OSBPL10: variants seen among roughly 807,000 people sequenced by gnomAD.
The protein encoded by OSBPL10 is oxysterol binding protein like 10, also known as oxysterol-binding protein-related protein 10.
OSBPL10 carries 49 observed loss-of-function variants against 81.7 expected under a neutral mutation model. That is an observed-to-expected ratio of 0.60 (90% CI 0.48 to 0.76). OSBPL10 has a LOEUF of 0.76. OSBPL10 is among the 30% of genes least tolerant of loss of function. OSBPL10 has a pLI of 0.00. For synonymous variants in OSBPL10, 419 were observed against 383.6 expected (o/e 1.09, Z -1.08); for missense variants, 923 against 987.8 (o/e 0.93, Z 0.88).
intron 4 of OSBPL10, among the ~76,000 whole-genome samples, chr3:31,770,231 C>T (rs1698338528): frequency 6.6e-6 from 1 of 152,120 alleles, no homozygotes; most frequent in South Asian, 2.1e-4. Context: ...TTTAAAATGC[C>T]TATTTTTCCT....
At chr3:31,732,240 C>T (rs901336187) in intron 6 of OSBPL10, among the ~76,000 whole-genome samples, 11 of 152,190 alleles carry the variant, frequency 7.2e-5, no homozygotes, top group Admixed American at 2.0e-4. Context: ...CCTTCTAACA[C>T]CCCTTAAAGA....
intron 1 of OSBPL10, among the ~76,000 whole-genome samples, chr3:31,955,832 C>A (rs1697992009): frequency 6.6e-6 from 1 of 152,176 alleles, no homozygotes; most frequent in South Asian, 2.1e-4. Context: ...CACACTCATG[C>A]AAGATCTGAG....
intron 4 of OSBPL10, among the ~76,000 whole-genome samples, chr3:31,790,848 A>G (rs934945172): frequency 6.6e-6 from 1 of 152,246 alleles, no homozygotes; most frequent in Admixed American, 6.5e-5. Flanking sequence ...TGGGCTGCAC[A>G]TAAAGATCTA....
intron 1 of OSBPL10, among the ~76,000 whole-genome samples, chr3:31,962,203 C>A (rs1038556214): frequency 6.6e-6 from 1 of 152,088 alleles, no homozygotes; most frequent in African/African-American, 2.4e-5. Context: ...GTGATCTGCC[C>A]ACCTTGGCCT....
rs535390938 is a variant in OSBPL10 at position 31,702,577 on chromosome 3, C to A, written c.1096-69G>T. The A allele has an allele frequency of 4.0e-5, 63 of 1,592,162 alleles. No homozygotes were observed. In the Middle Eastern group the frequency reaches 1.3e-3, roughly 34 times the overall value. ...AAGTTAGAAATAAAGTGTATGAATT[C>A]ACATGCTTTGCAATGACAGAAGAAA... On this transcript the variant is annotated intron_variant, in intron 6 of 11. Coordinates refer to ENST00000396556, the MANE Select transcript of OSBPL10 (RefSeq NM_017784.5).
intron 6 of OSBPL10, among the ~76,000 whole-genome samples, chr3:31,708,326 C>T (rs1019453811): frequency 6.6e-6 from 1 of 152,190 alleles, no homozygotes; most frequent in Non-Finnish European, 1.5e-5. Context: ...GTCATTTTCT[C>T]ATTCCAATAT....
At chr3:31,998,936 GT>G (rs1559546690) in intron 2 of OSBPL10, among the ~76,000 whole-genome samples, 1 of 152,196 alleles carries the variant, frequency 6.6e-6, no homozygotes, top group African/African-American at 2.4e-5. Flanking sequence ...TTTAGTATAA[GT>G]GGATATTTAA....
Position 31,980,837 on chromosome 3 carries a change from G to A in OSBPL10, c.281+62C>T, listed in dbSNP as rs6762041. On this transcript the variant is annotated intron_variant, in intron 1 of 11. Coordinates refer to ENST00000396556, the MANE Select transcript of OSBPL10 (RefSeq NM_017784.5). ...CATACACAGACACACATACACACACGCACGCACACACACACACACACACAC... is the reference window on the plus strand; with the variant it reads ...CATACACAGACACACATACACACACACACGCACACACACACACACACACAC... 478 of 1,408,494 alleles carry A rather than the reference G, an allele frequency of 3.4e-4. 5 individuals carry two copies. The African/African-American group carries it at 8.5e-3, about 25-fold the overall frequency. 87.2% of individuals were successfully genotyped at this position (1,408,494 alleles called of 1,614,324 possible). A position where few individuals can be genotyped will look rare whatever the true frequency, so the allele number is the denominator to read the frequency against.
At chr3:31,812,818 G>GAAAGAAAGAA (rs1223174164) in intron 4 of OSBPL10, among the ~76,000 whole-genome samples, 2 of 25,878 alleles carry the variant, frequency 7.7e-5, no homozygotes, top group African/African-American at 1.8e-4. Context: ...AAGAAAGAAA[G>GAAAGAAAGAA]AGAAAGAAAG....
intron 4 of OSBPL10, among the ~76,000 whole-genome samples, chr3:31,786,156 T>C (rs1300828116): frequency 6.6e-6 from 1 of 152,108 alleles, no homozygotes; most frequent in African/African-American, 2.4e-5. Context: ...GGTTCTTGGG[T>C]TTTCCTTTAC....
chr3:31,824,923 T>C (rs1700066326), intron 4 of OSBPL10, among the ~76,000 whole-genome samples: 1 of 152,158 alleles, frequency 6.6e-6, no homozygotes, highest in African/African-American at 2.4e-5. Context: ...AATGTTTCCA[T>C]ATCAAGTAAA....
intron 1 of OSBPL10, among the ~76,000 whole-genome samples, chr3:31,909,378 G>A (rs1696507613): frequency 6.6e-6 from 1 of 152,014 alleles, no homozygotes; most frequent in African/African-American, 2.4e-5. Context: ...ATTCTCTGAG[G>A]CTGTCTCTTA....
chr3:32,037,698 C>A (rs575220142), intron 2 of OSBPL10: 4 of 168,050 alleles, frequency 2.4e-5, no homozygotes, highest in African/African-American at 9.6e-5. Flanking sequence ...CCACTAGGCA[C>A]CAGAAATTGC....
intron 1 of OSBPL10, among the ~76,000 whole-genome samples, chr3:31,894,468 A>G (rs1695997405): frequency 1.3e-5 from 2 of 152,226 alleles, no homozygotes; most frequent in Non-Finnish European, 2.9e-5. Context: ...GAACTGAAAC[A>G]TCCTATTTGT....
At chr3:31,788,861 C>T (rs1698930758) in intron 4 of OSBPL10, among the ~76,000 whole-genome samples, 1 of 151,924 alleles carries the variant, frequency 6.6e-6, no homozygotes, top group Non-Finnish European at 1.5e-5. Context: ...TTGGAAAATA[C>T]AGAAGGCATG....
intron 4 of OSBPL10, among the ~76,000 whole-genome samples, chr3:31,754,631 A>C (rs1575523302): frequency 1.3e-5 from 2 of 152,292 alleles, no homozygotes; most frequent in South Asian, 4.2e-4. Context: ...TTACTGCAGG[A>C]GTCTGCAGAC....
At chr3:31,876,035 T>C (rs1057091269) in intron 3 of OSBPL10, among the ~76,000 whole-genome samples, 1 of 152,092 alleles carries the variant, frequency 6.6e-6, no homozygotes, top group South Asian at 2.1e-4. Flanking sequence ...CCTTGCAAAG[T>C]ACATAAGCAA....
intron 7 of OSBPL10, among the ~76,000 whole-genome samples, chr3:31,684,554 A>G (rs1700742471): frequency 6.6e-6 from 1 of 152,154 alleles, no homozygotes; most frequent in African/African-American, 2.4e-5. Flanking sequence ...AAACATGGAT[A>G]CTGGGGTTTG....
chr3:32,038,371 G>C (rs1018953404), intron 2 of OSBPL10, among the ~76,000 whole-genome samples: 53 of 152,256 alleles, frequency 3.5e-4, no homozygotes, highest in African/African-American at 1.3e-3. Context: ...TGTCAGCCAG[G>C]CTGCAATGGT....
Sources: gnomAD v4.1 joint callset for allele counts (sites outside exome capture counted in the v4.1 genomes callset) on GRCh38, gnomAD v4.1.1 for gene constraint, MANE v1.5 for transcripts, NCBI Gene and HGNC (gene_info 2026-07-23, HGNC 2026-07-21) for gene names.